The following PABPC4 variants were observed in gnomAD, a reference collection of about 807,000 sequenced individuals.
PABPC4 encodes the protein poly(A) binding protein cytoplasmic 4, also known as polyadenylate-binding protein 4.
In PABPC4, 15 loss-of-function variants were observed where a neutral mutation model predicts 74.5. The observed-to-expected ratio is 0.20, with a 90% CI of 0.13 to 0.31. The LOEUF is 0.31. PABPC4 is among the 10% of genes least tolerant of loss of function. The probability of loss-of-function intolerance (pLI) is 1.00; values close to 1 mark genes in which losing one functional copy is unlikely to be tolerated. For missense variants in PABPC4, 610 were observed against 853.5 expected, an observed-to-expected ratio of 0.71 and a Z score of 3.55; for synonymous variants, 345 against 303.0, an observed-to-expected ratio of 1.14 and a Z score of -1.44.
Position 39,575,963 on chromosome 1 carries a change from C to A in PABPC4, c.-12G>T. On this transcript the variant is annotated 5_prime_UTR_variant, in exon 1 of 16. Transcript: ENST00000372858. ...GCCGCAGCGTTCATCTCCCCGCCCCCCACCACCCCGAGCCCCGCCAGGAGG... is the reference window on the plus strand; with the variant it reads ...GCCGCAGCGTTCATCTCCCCGCCCCACACCACCCCGAGCCCCGCCAGGAGG... 1 of 1,528,640 alleles carries A rather than the reference C, an allele frequency of 6.5e-7. No individual in the cohort carries two copies. Among genetic ancestry groups the A allele is most frequent in the Admixed American group, 1.9e-5 (1 of 53,468 alleles). The allele number at this position is 1,528,640 out of a possible 1,614,324, so 94.7% of individuals were successfully genotyped here. A position where few individuals can be genotyped will look rare whatever the true frequency, so the allele number is the denominator to read the frequency against.
rs1435064132 is a variant in PABPC4, at chr1:39,563,842, A to C, written c.1534T>G (p.Ser512Ala). The C allele has an allele frequency of 2.5e-6, 4 of 1,614,220 alleles. No individual in the cohort carries two copies. The highest frequency in any genetic ancestry group is 2.5e-6 in the Non-Finnish European group (3 of 1,180,044). The change falls in exon 11 of 16, where the codon TCT (serine) becomes GCT (alanine). Residue 512 changes from serine to alanine, a missense_variant. By Grantham distance (99) the Ser-to-Ala change is moderately conservative (BLOSUM62 1). This residue lies in a region of PABPC4 where 277 missense variants were observed against 301.8 expected (regional missense o/e 0.92). Coordinates refer to ENST00000372858, the MANE Select transcript of PABPC4 (RefSeq NM_001135653.2). The stretch of plus-strand genomic sequence containing the variant: ...TGTGTGCATCCAATACCACCTCCAG[A>C]CTGGCAGCTGTCAGTCAGCCCTTGC... ...AQQGLTDSCQSGGVPTAVQNL... is the reference protein window; with the variant it reads ...AQQGLTDSCQAGGVPTAVQNL...
chr1:39,565,511 G>T, intron 7 of PABPC4, 133 bp from the exon 8 acceptor site: 1 of 850,632 alleles, frequency 1.2e-6, no homozygotes, highest in Non-Finnish European at 1.8e-6. Flanking sequence ...AGACCAGCTT[G>T]AGCAATGTAG....
chr1:39,563,482 G>C, intron 12 of PABPC4, 132 bp downstream of exon 12: 1 of 1,190,016 alleles, frequency 8.4e-7, no homozygotes, highest in Non-Finnish European at 1.2e-6. Flanking sequence ...GGCAGGGACA[G>C]TGAATCAGAA....
chr1:39,571,806 G>A (rs753427619), intron 2 of PABPC4: 10 of 341,964 alleles, frequency 2.9e-5, no homozygotes, highest in South Asian at 1.2e-4. Context: ...CCAGGAGGTC[G>A]AAGCTACAAT....
At chr1:39,571,958 A>G (rs1431965944) in intron 2 of PABPC4, among the ~76,000 whole-genome samples, 1 of 152,260 alleles carries the variant, frequency 6.6e-6, no homozygotes, top group Non-Finnish European at 1.5e-5. Flanking sequence ...CAAGGCCACA[A>G]CAGATTTTCA....
At chr1:39,570,049 A>T in intron 3 of PABPC4, 47 bp from the exon 4 acceptor site, 1 of 1,586,922 alleles carries the variant, frequency 6.3e-7, no homozygotes, top group Non-Finnish European at 8.6e-7. Flanking sequence ...GGAATAAAAC[A>T]TGATGTCCAG....
intron 7 of PABPC4, among the ~76,000 whole-genome samples, chr1:39,566,828 G>A (rs1223403566): frequency 6.6e-6 from 1 of 152,142 alleles, no homozygotes; most frequent in Admixed American, 6.5e-5. Context: ...AGTCAAGGGG[G>A]GGGTCATAGC....
In PABPC4 at chr1:39,563,872, C is replaced by T. The variant is rs752115525; in HGVS notation, c.1504G>A (p.Ala502Thr). ...LAMDFGGAGA[A>T]QQGLTDSCQS... is the part of the protein sequence containing the mutation. ...CAGCTGTCAGTCAGCCCTTGCTGGG[C>T]GGCACCAGCCCCACCAAAGTCCATA... The change falls in exon 11 of 16, where the codon GCC (alanine) becomes ACC (threonine). Residue 502 changes from alanine (A) to threonine (T), a missense_variant. Coordinates refer to ENST00000372858, the MANE Select transcript of PABPC4 (RefSeq NM_001135653.2). The T allele has an allele frequency of 9.9e-6, 16 of 1,614,228 alleles. No individual in the cohort carries two copies. Among genetic ancestry groups the T allele is most frequent in the South Asian group, 5.5e-5 (5 of 91,088 alleles).
intron 1 of PABPC4, among the ~76,000 whole-genome samples, chr1:39,573,791 C>G (rs913760265): frequency 1.3e-5 from 2 of 152,156 alleles, no homozygotes; most frequent in Non-Finnish European, 2.9e-5. Flanking sequence ...TGCACTCCAG[C>G]CTGGGCAGCA....
chr1:39,565,022 T>TA (rs1309716486), intron 8 of PABPC4, 84 bp downstream of exon 8: 2 of 1,435,708 alleles, frequency 1.4e-6, no homozygotes, highest in African/African-American at 1.4e-5. Context: ...AGAACTCTAA[T>TA]AACGAAAAAT....
At chr1:39,571,453 C>T in intron 2 of PABPC4, 104 bp from the exon 3 acceptor site, 1 of 1,327,344 alleles carries the variant, frequency 7.5e-7, no homozygotes. Flanking sequence ...CATCCATGGC[C>T]AATGGTGGTC....
At chr1:39,563,950 G>C (rs748132053) in intron 10 of PABPC4, 28 bp from the exon 11 acceptor site, 1 of 1,606,894 alleles carries the variant, frequency 6.2e-7, no homozygotes, top group Admixed American at 1.7e-5. Context: ...ATGCACATCA[G>C]TGTTGGCGGC....
chr1:39,565,755 G>T (rs776294999), intron 7 of PABPC4, among the ~76,000 whole-genome samples: 1 of 152,092 alleles, frequency 6.6e-6, no homozygotes, highest in African/African-American at 2.4e-5. Context: ...TTCAACCCGG[G>T]AGACAGAGAT....
intron 6 of PABPC4, chr1:39,568,488 A>G (rs1645886688): frequency 3.9e-6 from 1 of 255,198 alleles, no homozygotes; most frequent in South Asian, 9.6e-5. Flanking sequence ...CACCCACCCC[A>G]GCAGGGGTCT....
chr1:39,564,207 T>C (rs1242165467), intron 10 of PABPC4: 5 of 637,678 alleles, frequency 7.8e-6, no homozygotes, highest in African/African-American at 1.8e-5. Flanking sequence ...CTTTTTCACA[T>C]AGGTCACCGA....
intron 7 of PABPC4, chr1:39,567,315 G>C (rs1570383070): frequency 6.0e-6 from 3 of 499,062 alleles, no homozygotes; most frequent in African/African-American, 5.8e-5. Context: ...TTTAAGACCA[G>C]GGTAGAAGTT....
chr1:39,563,243 T>C (rs1645788545), intron 12 of PABPC4: 2 of 208,614 alleles, frequency 9.6e-6, no homozygotes, highest in Non-Finnish European at 9.7e-6. Context: ...GATCTGTAAG[T>C]TGAAGTTATT....
chr1:39,570,774 T>C (rs374463753), intron 3 of PABPC4, among the ~76,000 whole-genome samples: 1 of 152,206 alleles, frequency 6.6e-6, no homozygotes, highest in Non-Finnish European at 1.5e-5. Context: ...AGTCATAAGT[T>C]AGAAAATGGA....
intron 1 of PABPC4, among the ~76,000 whole-genome samples, chr1:39,573,809 AAC>A (rs1179815629): frequency 6.6e-6 from 1 of 152,176 alleles, no homozygotes; most frequent in Non-Finnish European, 1.5e-5. Context: ...GCAAGAGTGA[AAC>A]AGTGTCTCAA....
Sources: allele counts gnomAD v4.1 joint callset (sites outside exome capture counted in the v4.1 genomes callset), GRCh38; gene constraint gnomAD v4.1.1; regional missense constraint gnomAD v4.1.1; transcripts MANE v1.5; gene names NCBI Gene and HGNC (gene_info 2026-07-23, HGNC 2026-07-21).